The following NANOS3 variants were observed in gnomAD, a reference collection of about 807,000 sequenced individuals.
NANOS3 encodes nanos homolog 3.
In NANOS3, 11 loss-of-function variants were observed where a neutral mutation model predicts 13.8. The observed-to-expected ratio is 0.80, with a 90% CI of 0.50 to 1.32. The LOEUF is 1.32. Among genes scored for constraint, NANOS3 ranks in the 40% most tolerant of loss-of-function variants. The pLI is 0.00. For synonymous variants in NANOS3, 119 were observed against 115.4 expected (o/e 1.03, Z -0.20); for missense variants, 221 against 263.8 (o/e 0.84, Z 1.12).
intron 1 of NANOS3, among the ~76,000 whole-genome samples, chr19:13,879,931 C>T (rs946708643): frequency 5.3e-5 from 8 of 152,008 alleles, no homozygotes; most frequent in African/African-American, 1.9e-4. Context: ...GGGGCTGAGA[C>T]AGGAGAATCG....
At chr19:13,864,477 G>T (rs541167204), upstream of NANOS3, among the ~76,000 whole-genome samples, 1 of 152,122 alleles carries the variant, frequency 6.6e-6, no homozygotes, top group Non-Finnish European at 1.5e-5. Flanking sequence ...TTTGACCCGA[G>T]TGGCTGTGCA....
intron 1 of NANOS3, among the ~76,000 whole-genome samples, chr19:13,866,681 C>A (rs968880318): frequency 5.9e-5 from 9 of 152,226 alleles, no homozygotes; most frequent in Non-Finnish European, 1.3e-4. Flanking sequence ...CACTGACACA[C>A]AGAAGTGGGT....
At position 13,877,512 on chromosome 19, in the gene NANOS3, C is replaced by T; in HGVS notation, c.264C>T (p.Ala88=). 6.2e-7 allele frequency: 1 copy of T among 1,611,964 alleles called. No individual in the cohort carries two copies. The highest frequency in any genetic ancestry group is 8.5e-7 in the Non-Finnish European group (1 of 1,180,000). Residue 88 remains alanine (A), a synonymous_variant, in exon 1 of 2, where the codon GCC becomes GCT. Transcript: ENST00000339133. The part of the protein sequence containing the change: ...SFCKHNGESR[A]IYQSHVLKDE... ...GCAAACACAACGGCGAGTCCCGGGC[C>T]ATCTACCAGTCCCACGTGCTGAAGG... is the stretch of plus-strand genomic sequence containing the variant.
upstream of NANOS3, among the ~76,000 whole-genome samples, chr19:13,865,253 C>G (rs1348013398): frequency 1.5e-5 from 2 of 137,570 alleles, no homozygotes; most frequent in South Asian, 2.3e-4. Context: ...GCGGCGGCCA[C>G]GGGTTCGAGC....
At chr19:13,875,131 G>C, upstream of NANOS3, 2 of 343,872 alleles carry the variant, frequency 5.8e-6, no homozygotes, top group South Asian at 5.5e-5. Flanking sequence ...GCTGGATTTG[G>C]GACTAAATAT....
chr19:13,872,885 A>G (rs1968423283), upstream of NANOS3, among the ~76,000 whole-genome samples: 1 of 151,886 alleles, frequency 6.6e-6, no homozygotes, highest in South Asian at 2.1e-4. Context: ...GGCTCTGGGG[A>G]AAGGGCTCTA....
Position 13,865,815 on chromosome 19 carries a change from C to T in NANOS3, n.21+378C>T, listed in dbSNP as rs1403335588. Among the ~76,000 whole-genome samples, 3 of 148,682 alleles carry T rather than the reference C, an allele frequency of 2.0e-5. No individual in the cohort carries two copies. In the East Asian group the frequency reaches 6.1e-4, roughly 30 times the overall value. On this transcript the variant is annotated intron_variant and non_coding_transcript_variant, in intron 1 of 2. Coordinates refer to the NANOS3 transcript ENST00000591161. Reference sequence around the variant, plus strand: ...GGACAGCGGCGCCCCGACCGCCCGACACCTGACCGCGCGCGGGGAGGCCAC... The same window carrying T: ...GGACAGCGGCGCCCCGACCGCCCGATACCTGACCGCGCGCGGGGAGGCCAC...
chr19:13,880,336 G>T (rs1034794858), intron 1 of NANOS3, 106 bp from the exon 2 acceptor site: 61 of 1,033,308 alleles, frequency 5.9e-5, no homozygotes, highest in Non-Finnish European at 2.1e-5. Flanking sequence ...CAGCCCCTGG[G>T]TGGCGCCAGA....
At chr19:13,862,752 T>C (rs983232027), upstream of NANOS3, among the ~76,000 whole-genome samples, 3 of 152,106 alleles carry the variant, frequency 2.0e-5, no homozygotes, top group African/African-American at 7.2e-5. Flanking sequence ...TTGGTCAGGC[T>C]GGTCTCGAAC....
intron 1 of NANOS3, among the ~76,000 whole-genome samples, chr19:13,866,685 A>G (rs1976246609): frequency 6.6e-6 from 1 of 152,236 alleles, no homozygotes; most frequent in Admixed American, 6.5e-5. Flanking sequence ...GACACACAGA[A>G]GTGGGTGTTC....
intron 1 of NANOS3, among the ~76,000 whole-genome samples, chr19:13,871,912 T>C (rs935711492): frequency 2.0e-5 from 3 of 152,126 alleles, no homozygotes; most frequent in African/African-American, 7.2e-5. Context: ...GGTGGGAGGA[T>C]TGGTTGGGGC....
At chr19:13,878,831 G>T (rs772637941) in intron 1 of NANOS3, among the ~76,000 whole-genome samples, 1 of 151,726 alleles carries the variant, frequency 6.6e-6, no homozygotes, top group African/African-American at 2.4e-5. Context: ...TTCCCAGGCC[G>T]GTCTCAAACA....
chr19:13,880,008 A>G (rs540019445), intron 1 of NANOS3, among the ~76,000 whole-genome samples: 89 of 152,334 alleles, frequency 5.8e-4, no homozygotes, highest in African/African-American at 2.1e-3. Context: ...CCTGGGCGAC[A>G]GAGTGAGACT....
chr19:13,870,876 G>A (rs369922750), intron 1 of NANOS3, among the ~76,000 whole-genome samples: 7 of 151,850 alleles, frequency 4.6e-5, no homozygotes, highest in South Asian at 2.1e-4. Flanking sequence ...CACCGTGCCC[G>A]GCTCATAACG....
At chr19:13,868,848 A>G (rs893565338) in intron 1 of NANOS3, among the ~76,000 whole-genome samples, 1 of 151,964 alleles carries the variant, frequency 6.6e-6, no homozygotes, top group African/African-American at 2.4e-5. Flanking sequence ...TCGACCTGGA[A>G]TTACACACAA....
chr19:13,866,864 T>A (rs904188329), intron 1 of NANOS3, among the ~76,000 whole-genome samples: 1 of 151,952 alleles, frequency 6.6e-6, no homozygotes, highest in African/African-American at 2.4e-5. Flanking sequence ...TCACCCACAG[T>A]CACCCCCACC....
chr19:13,865,734 G>A lies in NANOS3; in HGVS notation n.21+297G>A, dbSNP rs540246165. Among the ~76,000 whole-genome samples, 8 of 151,424 alleles carry A rather than the reference G, an allele frequency of 5.3e-5. No individual in the cohort carries two copies. The East Asian group carries it at 9.8e-4, about 18-fold the overall frequency. ...CGAGTCCCGGAGCCGGGGCCGCCAG[G>A]GGGAGGGCAAGCGGAGATGCCCTCG... is the stretch of plus-strand genomic sequence containing the variant. On this transcript the variant is annotated intron_variant and non_coding_transcript_variant, in intron 1 of 2. Transcript: ENST00000591161.
intron 1 of NANOS3, 84 bp from the exon 2 acceptor site, chr19:13,880,358 C>T: frequency 7.5e-7 from 1 of 1,325,178 alleles, no homozygotes; most frequent in Non-Finnish European, 1.1e-6. Flanking sequence ...GTCCAGCAGG[C>T]CCGGAGGCCG....
At chr19:13,866,313 G>C (rs965038575) in intron 1 of NANOS3, among the ~76,000 whole-genome samples, 4 of 151,848 alleles carry the variant, frequency 2.6e-5, no homozygotes, top group Non-Finnish European at 5.9e-5. Flanking sequence ...TAGGGACTGA[G>C]ACGTCCCCCC....
Sources: allele counts gnomAD v4.1 joint callset (sites outside exome capture counted in the v4.1 genomes callset), GRCh38; gene constraint gnomAD v4.1.1; transcripts MANE v1.5; gene names NCBI Gene and HGNC (gene_info 2026-07-23, HGNC 2026-07-21).